The following B4GALT6 variants were observed in gnomAD, a reference collection of about 807,000 sequenced individuals.
B4GALT6 encodes the protein UDP-Gal:beta-GlcNAc beta-1,4-galactosyltransferase 6.
B4GALT6 carries 14 observed loss-of-function variants against 46.3 expected under a neutral mutation model. The ratio of observed to expected loss-of-function variants is 0.30; its 90% CI spans 0.20 to 0.47. The LOEUF is 0.47. Ranked by LOEUF, B4GALT6 falls within the 20% of genes least tolerant of loss-of-function variation. B4GALT6 has a pLI of 0.99. For synonymous variants in B4GALT6, 168 were observed against 162.0 expected (o/e 1.04, Z -0.28); for missense variants, 386 against 480.1 (o/e 0.80, Z 1.83).
In B4GALT6 at chr18:31,625,557, G is replaced by A. The variant is rs142413905; in HGVS notation, c.*57C>T. ...CCAATCACTGACCTCCACTAAGAGC[G>A]CGCTCCAAGTTTATGATCCAGCATT... On this transcript the variant is annotated 3_prime_UTR_variant, in exon 9 of 9. Transcript: ENST00000306851. The A allele has an allele frequency of 3.5e-5, 56 of 1,594,070 alleles. No homozygotes were observed. Among genetic ancestry groups the A allele is most frequent in the Admixed American group, 2.5e-4 (14 of 56,934 alleles).
chr18:31,714,153 T>A, the B4GALT6 span, among the ~76,000 whole-genome samples: 1 of 152,188 alleles, frequency 6.6e-6, no homozygotes, highest in African/African-American at 2.4e-5. Context: ...TAAATAAAAT[T>A]AAAAATTCAA....
chr18:31,635,639 AG>A (rs1172183899), intron 5 of B4GALT6, among the ~76,000 whole-genome samples: 1 of 152,180 alleles, frequency 6.6e-6, no homozygotes, highest in African/African-American at 2.4e-5. Flanking sequence ...TAACCATTTT[AG>A]GAATAAAAAT....
intron 1 of B4GALT6, among the ~76,000 whole-genome samples, chr18:31,672,768 C>T (rs2074371127): frequency 6.6e-6 from 1 of 152,176 alleles, no homozygotes; most frequent in Non-Finnish European, 1.5e-5. Context: ...TAACTTGCCA[C>T]AGGTCACAGA....
intron 1 of B4GALT6, among the ~76,000 whole-genome samples, chr18:31,677,841 T>G (rs1468904994): frequency 6.6e-6 from 1 of 152,174 alleles, no homozygotes; most frequent in Non-Finnish European, 1.5e-5. Context: ...AAAAGCCAGC[T>G]TGGTCCAAGG....
At chr18:31,705,533 C>T in the B4GALT6 span, among the ~76,000 whole-genome samples, 1 of 152,168 alleles carries the variant, frequency 6.6e-6, no homozygotes, top group African/African-American at 2.4e-5. Flanking sequence ...GGATTACAGG[C>T]ACCCACCACC....
chr18:31,703,684 G>A, the B4GALT6 span, among the ~76,000 whole-genome samples: 3 of 152,352 alleles, frequency 2.0e-5, no homozygotes, highest in South Asian at 4.1e-4. Context: ...ATTAGGAAAA[G>A]AATGAGCCTA....
chr18:31,660,455 C>T (rs948553900), intron 2 of B4GALT6, among the ~76,000 whole-genome samples: 2 of 151,762 alleles, frequency 1.3e-5, no homozygotes, highest in Non-Finnish European at 2.9e-5. Flanking sequence ...GTGACAGTGT[C>T]TAGTCAAGTT....
upstream of B4GALT6, chr18:31,685,875 G>A (rs916937819): frequency 2.0e-5 from 3 of 152,258 alleles, no homozygotes; most frequent in Non-Finnish European, 2.9e-5. Flanking sequence ...GTCAGGATGT[G>A]GCGCGGACCT....
upstream of B4GALT6, among the ~76,000 whole-genome samples, chr18:31,690,633 G>A (rs1207799049): frequency 1.3e-5 from 2 of 151,390 alleles, no homozygotes; most frequent in Non-Finnish European, 2.9e-5. Context: ...ACCACACCCA[G>A]TTAATTTTTG....
chr18:31,689,089 C>A (rs965911644), upstream of B4GALT6, among the ~76,000 whole-genome samples: 1 of 152,176 alleles, frequency 6.6e-6, no homozygotes, highest in Non-Finnish European at 1.5e-5. Flanking sequence ...ACTATCTAGT[C>A]CTTGCTTGTC....
At chr18:31,645,011 G>C (rs1039225925) in intron 4 of B4GALT6, among the ~76,000 whole-genome samples, 1 of 152,114 alleles carries the variant, frequency 6.6e-6, no homozygotes, top group Non-Finnish European at 1.5e-5. Flanking sequence ...TAATCATTAG[G>C]GACAGCTGCA....
At chr18:31,686,731 A>G (rs1258055767), upstream of B4GALT6, 4 of 152,356 alleles carry the variant, frequency 2.6e-5, 1 homozygote, top group South Asian at 4.1e-4. Flanking sequence ...AAAGAAAAAC[A>G]AAATCTATGC....
the B4GALT6 span, among the ~76,000 whole-genome samples, chr18:31,718,712 C>G: frequency 6.6e-6 from 1 of 152,152 alleles, no homozygotes; most frequent in Non-Finnish European, 1.5e-5. Context: ...AGAGAAGAAG[C>G]CGCTACCAGG....
chr18:31,706,745 A>G, the B4GALT6 span, among the ~76,000 whole-genome samples: 3 of 152,214 alleles, frequency 2.0e-5, no homozygotes, highest in African/African-American at 7.2e-5. Flanking sequence ...ACCAGTAACA[A>G]TGTATTCCAG....
chr18:31,704,280 C>G, the B4GALT6 span, among the ~76,000 whole-genome samples: 1 of 151,040 alleles, frequency 6.6e-6, no homozygotes, highest in Non-Finnish European at 1.5e-5. Flanking sequence ...GTGATCTCAG[C>G]TTACTGCAAC....
chr18:31,625,878 C>T (rs987478939), intron 8 of B4GALT6, 117 bp from the exon 9 acceptor site: 14 of 825,134 alleles, frequency 1.7e-5, no homozygotes, highest in Non-Finnish European at 2.2e-5. Flanking sequence ...TTTACAATTT[C>T]TGGTTCTTGT....
chr18:31,708,985 A>G, the B4GALT6 span, among the ~76,000 whole-genome samples: 1 of 152,212 alleles, frequency 6.6e-6, no homozygotes, highest in African/African-American at 2.4e-5. Flanking sequence ...ATTTAATTGT[A>G]AGCAATAGAG....
chr18:31,668,566 AT>A (rs1453112773), intron 1 of B4GALT6, among the ~76,000 whole-genome samples: 1 of 152,112 alleles, frequency 6.6e-6, no homozygotes, highest in Non-Finnish European at 1.5e-5. Context: ...TTTGCCATCT[AT>A]GTTTTTGTTC....
the B4GALT6 span, among the ~76,000 whole-genome samples, chr18:31,709,113 A>T: frequency 2.0e-5 from 3 of 152,194 alleles, no homozygotes; most frequent in Non-Finnish European, 4.4e-5. Flanking sequence ...TGTGAGCTAG[A>T]TTAATCTACA....
Sources: allele counts gnomAD v4.1 joint callset (sites outside exome capture counted in the v4.1 genomes callset), GRCh38; gene constraint gnomAD v4.1.1; transcripts MANE v1.5; gene names NCBI Gene and HGNC (gene_info 2026-07-23, HGNC 2026-07-21).